The following PLEKHG1 variants were observed in gnomAD, a reference collection of about 807,000 sequenced individuals.
PLEKHG1 encodes the protein pleckstrin homology and RhoGEF domain containing G1.
In PLEKHG1, 44 loss-of-function variants were observed where a neutral mutation model predicts 100.8. The observed-to-expected ratio is 0.44, with a 90% CI of 0.34 to 0.56. The LOEUF (loss-of-function observed/expected upper bound fraction) is 0.56, where lower values mean the gene tolerates loss of function less well. Ranked by LOEUF, PLEKHG1 falls within the 20% of genes least tolerant of loss-of-function variation. The pLI is 0.01. For missense variants in PLEKHG1, 1,545 were observed against 1,720.9 expected (o/e 0.90, Z 1.81); for synonymous variants, 640 against 662.5 (o/e 0.97, Z 0.52).
At chr6:150,616,367 G>A (rs950483245) in intron 1 of PLEKHG1, among the ~76,000 whole-genome samples, 1 of 152,176 alleles carries the variant, frequency 6.6e-6, no homozygotes, top group Non-Finnish European at 1.5e-5. Flanking sequence ...ACTCACTTGG[G>A]AAGAGAAAAG....
Position 150,674,323 on chromosome 6 carries a change from CAG to C in PLEKHG1, c.-99+23539_-99+23540del, listed in dbSNP as rs558993581. On this transcript the variant is annotated intron_variant, in intron 3 of 3. Coordinates refer to the PLEKHG1 transcript ENST00000367326. ...TTTTTATTGTTAACTCTAAAGTTAACAGAAAGTTCAGTTAAGCAGAACTTTTC... is the reference window on the plus strand; with the variant it reads ...TTTTTATTGTTAACTCTAAAGTTAACAAAGTTCAGTTAAGCAGAACTTTTC... 2.9e-3 allele frequency among the ~76,000 whole-genome samples: 440 copies of C among 152,160 alleles called. 1 individual carries two copies. The highest frequency in any genetic ancestry group is 0.01 in the African/African-American group (417 of 41,508).
At chr6:150,690,195 T>A (rs1023826067) in intron 3 of PLEKHG1, among the ~76,000 whole-genome samples, 1 of 152,168 alleles carries the variant, frequency 6.6e-6, no homozygotes, top group African/African-American at 2.4e-5. Flanking sequence ...TGTTATTTAT[T>A]TTATTTTGGA....
chr6:150,819,382 T>G (rs1212191085), intron 11 of PLEKHG1, among the ~76,000 whole-genome samples: 1 of 151,432 alleles, frequency 6.6e-6, no homozygotes, highest in Non-Finnish European at 1.5e-5. Flanking sequence ...CTGGCCAACA[T>G]GTTGAAACCC....
chr6:150,790,022 A>ATT (rs34908667), intron 4 of PLEKHG1, among the ~76,000 whole-genome samples: 4 of 151,278 alleles, frequency 2.6e-5, no homozygotes, highest in East Asian at 1.9e-4. Flanking sequence ...AAATTGAAAT[A>ATT]TTTTTTTTTC....
chr6:150,836,222 C>A (rs1777214306), intron 15 of PLEKHG1, among the ~76,000 whole-genome samples: 1 of 151,856 alleles, frequency 6.6e-6, no homozygotes. Context: ...ACTAAAAATA[C>A]AAAGAATTAG....
chr6:150,751,798 T>G (rs987975850), intron 2 of PLEKHG1, among the ~76,000 whole-genome samples: 16 of 152,164 alleles, frequency 1.1e-4, no homozygotes, highest in African/African-American at 2.4e-4. Flanking sequence ...CTTGGTAGTT[T>G]TTACTTGTGA....
chr6:150,633,968 G>A (rs921933500), intron 1 of PLEKHG1, among the ~76,000 whole-genome samples: 1 of 152,050 alleles, frequency 6.6e-6, no homozygotes, highest in Admixed American at 6.5e-5. Context: ...GAGGCTGGGC[G>A]TGGTGGCTCA....
In PLEKHG1 at chr6:150,819,659, G is replaced by A; in HGVS notation, c.1313-20G>A. The A allele has an allele frequency of 7.0e-7, 1 of 1,431,732 alleles. No homozygotes were observed. Among genetic ancestry groups the A allele is most frequent in the Non-Finnish European group, 9.9e-7 (1 of 1,013,346 alleles). 88.7% of individuals were successfully genotyped at this position (1,431,732 alleles called of 1,614,324 possible). On this transcript the variant is annotated intron_variant, in intron 11 of 15. Transcript: ENST00000358517. The stretch of plus-strand genomic sequence containing the variant: ...CCCCTGACACCACAGTCCCACTGAT[G>A]CACGTGGTTATCTTTACAGATCATC...
chr6:150,749,425 G>C (rs1373152515), intron 2 of PLEKHG1, among the ~76,000 whole-genome samples: 1 of 152,152 alleles, frequency 6.6e-6, no homozygotes, highest in African/African-American at 2.4e-5. Flanking sequence ...TGAGCTAGGG[G>C]AACAATTAAG....
intron 3 of PLEKHG1, among the ~76,000 whole-genome samples, chr6:150,665,818 A>G (rs908724088): frequency 2.6e-5 from 4 of 151,496 alleles, no homozygotes; most frequent in African/African-American, 9.7e-5. Context: ...TTTATTCCCT[A>G]TGATTTGGCC....
chr6:150,829,225 T>C (rs1776777994), intron 14 of PLEKHG1, among the ~76,000 whole-genome samples: 1 of 152,244 alleles, frequency 6.6e-6, no homozygotes, highest in Non-Finnish European at 1.5e-5. Flanking sequence ...GTCTGCAGAA[T>C]AGAATCAGAG....
rs922225890 is a variant in PLEKHG1 at position 150,752,787 on chromosome 6, G to A, written c.412-15851G>A. On this transcript the variant is annotated intron_variant, in intron 2 of 15. Coordinates refer to ENST00000358517, the Ensembl canonical transcript of PLEKHG1. ...ACATGATGAGAAATTGCCAGCCTCCGTCCAACCCAAAGCAAAACTGAGTGT... is the reference window on the plus strand; with the variant it reads ...ACATGATGAGAAATTGCCAGCCTCCATCCAACCCAAAGCAAAACTGAGTGT... Among the ~76,000 whole-genome samples, 5 of 152,034 alleles carry A rather than the reference G, an allele frequency of 3.3e-5. No individual in the cohort carries two copies. In the South Asian group the frequency reaches 6.2e-4, roughly 19 times the overall value.
Position 150,641,330 on chromosome 6 carries a change from A to C in PLEKHG1, c.-158+3205A>C, listed in dbSNP as rs556388844. On this transcript the variant is annotated intron_variant, in intron 2 of 3. Transcript: ENST00000367326. ...GTGAAGGAAAGCAAAAATATTGTGC[A>C]AAAGAGATGATCTGTGAAGTTCAGA... Among the ~76,000 whole-genome samples the C allele has an allele frequency of 6.8e-4, 104 of 152,334 alleles. 1 individual carries two copies. The highest frequency in any genetic ancestry group is 5.2e-4 in the Admixed American group (8 of 15,306).
rs545902990 is a variant in PLEKHG1 at position 150,732,732 on chromosome 6, G to A, written c.-98-852G>A. ...TCCCGGGTTCAAGCAATTCTTGTGC[G>A]TCAGCTTCCCGAGTAGCTAATTTTT... On this transcript the variant is annotated intron_variant, in intron 1 of 15. Coordinates refer to ENST00000358517, the Ensembl canonical transcript of PLEKHG1. Among the ~76,000 whole-genome samples, 15 of 152,256 alleles carry A rather than the reference G, an allele frequency of 9.9e-5. No individual in the cohort carries two copies. The South Asian group carries it at 1.0e-3, about 11-fold the overall frequency.
At chr6:150,603,006 C>CG (rs1776418392) in intron 1 of PLEKHG1, among the ~76,000 whole-genome samples, 1 of 132,002 alleles carries the variant, frequency 7.6e-6, no homozygotes. Flanking sequence ...GCGTGAACCC[C>CG]GGGGGGCGGA....
chr6:150,719,501 T>C (rs1781575720), upstream of PLEKHG1, among the ~76,000 whole-genome samples: 1 of 152,176 alleles, frequency 6.6e-6, no homozygotes, highest in Non-Finnish European at 1.5e-5. Flanking sequence ...ACAGCTACCA[T>C]GCAGGGTAGG....
chr6:150,842,993 T>A (rs1777600276), exon 16 of PLEKHG1: 1 of 152,242 alleles, frequency 6.6e-6, no homozygotes, highest in Admixed American at 6.5e-5. Context: ...ATTACAGGCA[T>A]GAGCCACTGC....
intron 7 of PLEKHG1, 122 bp downstream of exon 8, chr6:150,804,863 C>T: frequency 1.1e-6 from 1 of 896,080 alleles, no homozygotes; most frequent in Non-Finnish European, 1.7e-6. Context: ...TGTAGTTCTC[C>T]CTGAAAAAAG....
intron 1 of PLEKHG1, among the ~76,000 whole-genome samples, chr6:150,628,527 A>AACACACAC (rs565121317): frequency 0.12 from 10,904 of 94,626 alleles, 757 homozygotes; most frequent in Admixed American, 0.15. Context: ...TAGATAGGAA[A>AACACACAC]ACACACACAC....
Sources: allele counts gnomAD v4.1 joint callset (sites outside exome capture counted in the v4.1 genomes callset), GRCh38; gene constraint gnomAD v4.1.1; transcripts MANE v1.5; gene names NCBI Gene and HGNC (gene_info 2026-07-23, HGNC 2026-07-21).